ATP11A: variants seen among roughly 807,000 people sequenced by gnomAD.
ATP11A encodes ATPase phospholipid transporting 11A.
Under a neutral mutation model 154.4 loss-of-function variants are expected in ATP11A, and 81 were observed. The observed-to-expected ratio is 0.52, with a 90% CI of 0.44 to 0.63. The LOEUF (loss-of-function observed/expected upper bound fraction) is 0.63, where lower values mean the gene tolerates loss of function less well. Ranked by LOEUF, ATP11A falls within the 30% of genes least tolerant of loss-of-function variation. The pLI, the probability that ATP11A is intolerant of heterozygous loss-of-function variation, is 0.00. For synonymous variants in ATP11A, 623 were observed against 585.9 expected, an observed-to-expected ratio of 1.06 and a Z score of -0.91; for missense variants, 1,316 against 1,474.3, an observed-to-expected ratio of 0.89 and a Z score of 1.76.
At chr13:112,705,544 C>A (rs1267011934) in intron 1 of ATP11A, among the ~76,000 whole-genome samples, 2 of 152,102 alleles carry the variant, frequency 1.3e-5, no homozygotes. Flanking sequence ...GCGCCAGGGA[C>A]AAAATGAGAA....
At position 112,885,847 on chromosome 13, in the gene ATP11A, G is replaced by C. The variant is rs2080971602; in HGVS notation, c.*3981G>C. 1 of 152,298 alleles carries C rather than the reference G, an allele frequency of 6.6e-6. No individual in the cohort carries two copies. Among genetic ancestry groups the C allele is most frequent in the African/African-American group, 2.4e-5 (1 of 41,470 alleles). The allele number at this position is 152,298 out of a possible 1,614,324, so 9.4% of individuals were successfully genotyped here. On this transcript the variant is annotated 3_prime_UTR_variant, in exon 30 of 30. Transcript: ENST00000375645. The stretch of plus-strand genomic sequence containing the variant: ...GGGATGAAGAGTCCCCCTCCTGGCA[G>C]AATGTCTGGGCTTTGCAGAGCAGGC...
intron 5 of ATP11A, among the ~76,000 whole-genome samples, chr13:112,815,408 C>T (rs2078617728): frequency 6.7e-6 from 1 of 149,924 alleles, no homozygotes; most frequent in Admixed American, 6.7e-5. Context: ...ATCTGCTATG[C>T]CTTCCTCACC....
At chr13:112,827,645 G>A (rs1418287106) in intron 12 of ATP11A, among the ~76,000 whole-genome samples, 1 of 152,236 alleles carries the variant, frequency 6.6e-6, no homozygotes, top group Admixed American at 6.5e-5. Flanking sequence ...GCAGGTACCA[G>A]TAAACGGTAA....
intron 1 of ATP11A, among the ~76,000 whole-genome samples, chr13:112,716,868 A>G (rs965870088): frequency 3.9e-5 from 6 of 151,982 alleles, no homozygotes; most frequent in African/African-American, 1.2e-4. Flanking sequence ...AAAGATGGCT[A>G]TGTGCAAAAT....
At chr13:112,877,952 A>T (rs1051387989) in intron 28 of ATP11A, among the ~76,000 whole-genome samples, 6 of 151,914 alleles carry the variant, frequency 3.9e-5, no homozygotes, top group Non-Finnish European at 8.8e-5. Flanking sequence ...GAGCCCCGGG[A>T]ATGCTTATGA....
In ATP11A at chr13:112,746,326, C is replaced by T. The variant is rs900805687; in HGVS notation, c.40-38809C>T. ...CAGTGCACAGGGCTCCGGTTCCCCA[C>T]GTCCTCACCGGGTAACTGGGGTTCC... On this transcript the variant is annotated intron_variant, in intron 1 of 29. Coordinates refer to ENST00000375645, the MANE Select transcript of ATP11A (RefSeq NM_015205.3). The surrounding 1 kb of genome is among the most constrained non-coding windows in gnomAD (Gnocchi z 4.1). 6.6e-6 allele frequency: 1 copy of T among 152,158 alleles called. No homozygotes were observed. The highest frequency in any genetic ancestry group is 1.5e-5 in the Non-Finnish European group (1 of 68,062). 9.4% of individuals were successfully genotyped at this position (152,158 alleles called of 1,614,324 possible). A position where few individuals can be genotyped will look rare whatever the true frequency, so the allele number is the denominator to read the frequency against.
intron 1 of ATP11A, among the ~76,000 whole-genome samples, chr13:112,691,168 TAAA>T (rs1885118958): frequency 6.6e-6 from 1 of 151,856 alleles, no homozygotes; most frequent in Non-Finnish European, 1.5e-5. Flanking sequence ...GCGTTAGGTG[TAAA>T]AAGGGGTGTG....
intron 29 of ATP11A, among the ~76,000 whole-genome samples, chr13:112,879,597 G>A (rs1425231038): frequency 2.0e-5 from 3 of 152,212 alleles, no homozygotes; most frequent in African/African-American, 4.8e-5. Context: ...ACAGTGGCAC[G>A]GAGTTTCTCC....
At chr13:112,770,003 A>G (rs989429242) in intron 1 of ATP11A, among the ~76,000 whole-genome samples, 1 of 152,238 alleles carries the variant, frequency 6.6e-6, no homozygotes, top group African/African-American at 2.4e-5. Context: ...GCTGCATTTC[A>G]TGAGTCCAGC....
intron 1 of ATP11A, among the ~76,000 whole-genome samples, chr13:112,728,786 T>C (rs1242911253): frequency 6.6e-6 from 1 of 152,182 alleles, no homozygotes; most frequent in Non-Finnish European, 1.5e-5. Context: ...CTGTTCCTCT[T>C]CTCCTTGTCT....
chr13:112,730,545 C>T (rs542632166), intron 1 of ATP11A, among the ~76,000 whole-genome samples: 1 of 152,224 alleles, frequency 6.6e-6, no homozygotes, highest in Admixed American at 6.5e-5. Context: ...GACACACAGC[C>T]GCTTCCCAGG....
At chr13:112,808,261 A>G (rs2140150184) in intron 4 of ATP11A, among the ~76,000 whole-genome samples, 1 of 151,588 alleles carries the variant, frequency 6.6e-6, no homozygotes, top group African/African-American at 2.4e-5. Context: ...CTCCCATCCC[A>G]GGGCAGTGGG....
intron 17 of ATP11A, among the ~76,000 whole-genome samples, chr13:112,845,950 A>G (rs972519335): frequency 6.6e-6 from 1 of 152,186 alleles, no homozygotes; most frequent in South Asian, 2.1e-4. Flanking sequence ...GCCTGTTGGC[A>G]GACATTGGGT....
intron 1 of ATP11A, among the ~76,000 whole-genome samples, chr13:112,713,268 G>A (rs976410478): frequency 2.6e-5 from 4 of 152,278 alleles, no homozygotes; most frequent in Middle Eastern, 6.8e-3. Context: ...GGTGGTGGGC[G>A]CCTGTAATCC....
chr13:112,785,230 C>T lies in ATP11A; in HGVS notation c.135C>T (p.Tyr45=). ...PGAEAYIPQR[Y]PDNRIVSSKY... is the part of the protein sequence containing the mutation. The stretch of plus-strand genomic sequence containing the variant: ...CAGAGGCCTACATCCCACAGAGATA[C>T]CCAGACAACAGGATCGTCTCGTCCA... Residue 45 remains tyrosine (Y), a synonymous_variant, in exon 2 of 30, where the codon TAC becomes TAT. Transcript: ENST00000375645. This position sits in a 1 kb window ranked among gnomAD's most constrained non-coding sequence, Gnocchi z 4.8. 1 of 1,557,186 alleles carries T rather than the reference C, an allele frequency of 6.4e-7. No individual in the cohort carries two copies. Among genetic ancestry groups the T allele is most frequent in the Non-Finnish European group, 8.7e-7 (1 of 1,153,036 alleles).
At chr13:112,729,591 C>A (rs1016271203) in intron 1 of ATP11A, among the ~76,000 whole-genome samples, 3 of 152,262 alleles carry the variant, frequency 2.0e-5, no homozygotes, top group African/African-American at 7.2e-5. Flanking sequence ...TTGGAAGGCA[C>A]TGAGGCAGCA....
chr13:112,877,750 T>C (rs1192738231), intron 28 of ATP11A, among the ~76,000 whole-genome samples: 1 of 152,200 alleles, frequency 6.6e-6, no homozygotes, highest in East Asian at 1.9e-4. Context: ...GGCTCTTCCA[T>C]GCACTGTGCA....
In ATP11A at chr13:112,767,848, C is replaced by T. The variant is rs571183841; in HGVS notation, c.40-17287C>T. Among the ~76,000 whole-genome samples, 40 of 152,238 alleles carry T rather than the reference C, an allele frequency of 2.6e-4. No individual in the cohort carries two copies. The South Asian group carries it at 8.3e-3, about 32-fold the overall frequency. On this transcript the variant is annotated intron_variant, in intron 1 of 29. Transcript: ENST00000375645. ...CTGAGGCTCATCCTTGTCACCTGCT[C>T]GGTGGCAGTGCCTGCGTGCAGACCC...
chr13:112,773,859 G>T (rs1180779887), intron 1 of ATP11A, among the ~76,000 whole-genome samples: 2 of 151,400 alleles, frequency 1.3e-5, no homozygotes, highest in African/African-American at 4.9e-5. Context: ...GGATTTCCAC[G>T]CCACCTCCAC....
Sources: allele counts gnomAD v4.1 joint callset (sites outside exome capture counted in the v4.1 genomes callset), GRCh38; gene constraint gnomAD v4.1.1; non-coding constraint Gnocchi (gnomAD v3.1); transcripts MANE v1.5; gene names NCBI Gene and HGNC (gene_info 2026-07-23, HGNC 2026-07-21).